The following IGLON5 variants were observed in gnomAD, a reference collection of about 807,000 sequenced individuals.
IGLON5 encodes the protein Ig-like domain-containing protein ENSP00000270642.
A neutral mutation model predicts 38.2 loss-of-function variants in IGLON5; 16 were observed. The observed-to-expected ratio is 0.42, with a 90% CI of 0.28 to 0.64. The LOEUF (loss-of-function observed/expected upper bound fraction) is 0.64, where lower values mean the gene tolerates loss of function less well. IGLON5 is among the 30% of genes least tolerant of loss of function. The pLI is 0.23. For missense variants in IGLON5, 366 were observed against 483.4 expected, an observed-to-expected ratio of 0.76 and a Z score of 2.28; for synonymous variants, 207 against 216.4, an observed-to-expected ratio of 0.96 and a Z score of 0.38.
intron 1 of IGLON5, among the ~76,000 whole-genome samples, chr19:51,321,753 C>T (rs557540781): frequency 3.7e-4 from 56 of 152,268 alleles, no homozygotes; most frequent in African/African-American, 1.3e-3. Context: ...GTTTGTATGT[C>T]CATGGACACC....
intron 1 of IGLON5, among the ~76,000 whole-genome samples, chr19:51,318,694 C>T (rs564364902): frequency 2.3e-4 from 35 of 151,932 alleles, no homozygotes; most frequent in African/African-American, 8.2e-4. Flanking sequence ...ATGATCATGC[C>T]ACTGCATTCC....
In IGLON5 at chr19:51,330,273, G is replaced by C. The variant is rs971196558; in HGVS notation, c.*1514G>C. ...GGGACAGGGGAGGGATGCTAGGGAG[G>C]GGGTGGGGGGCCCTGGGGGCCATGT... On this transcript the variant is annotated 3_prime_UTR_variant, in exon 8 of 8. Coordinates refer to ENST00000270642, the MANE Select transcript of IGLON5 (RefSeq NM_001101372.3). The C allele has an allele frequency of 6.6e-6, 1 of 152,278 alleles. No homozygotes were observed. Among genetic ancestry groups the C allele is most frequent in the East Asian group, 1.9e-4 (1 of 5,188 alleles). The allele number at this position is 152,278 out of a possible 1,614,324, so 9.4% of individuals were successfully genotyped here.
At chr19:51,312,007 C>G in intron 1 of IGLON5, 81 bp downstream of exon 1, 1 of 747,712 alleles carries the variant, frequency 1.3e-6, no homozygotes, top group Non-Finnish European at 1.8e-6. Flanking sequence ...GGGTGGGGGT[C>G]GAGGGCTGCA....
rs10566640 is a variant in IGLON5 at position 51,330,802 on chromosome 19, TTA to T, written c.*2049_*2050del. Among the ~76,000 whole-genome samples, 19,428 of 152,120 alleles carry T rather than the reference TTA, an allele frequency of 0.13. 1,912 individuals are homozygous for T. Among genetic ancestry groups the T allele is most frequent in the African/African-American group, 0.27 (11,043 of 41,446 alleles). ...AACCTTAGAGAAACTGAGTCCATGA[TTA>T]TATATCATTTGAGCAGCTGGATCAA... On this transcript the variant is annotated 3_prime_UTR_variant, in exon 8 of 8. Transcript: ENST00000270642.
rs578047093 is a variant in IGLON5 at position 51,320,557 on chromosome 19, C to T, written c.80-1507C>T. ...CAGAGAGATGACTGCGTGGGGGTGA[C>T]GGAGCCTGCCTGCTGTGCTGAAGTG... On this transcript the variant is annotated intron_variant, in intron 1 of 7. Transcript: ENST00000270642. Among the ~76,000 whole-genome samples, 6 of 152,348 alleles carry T rather than the reference C, an allele frequency of 3.9e-5. No individual in the cohort carries two copies. The South Asian group carries it at 6.2e-4, about 16-fold the overall frequency.
Position 51,329,619 on chromosome 19 carries a change from T to G in IGLON5, c.*860T>G, listed in dbSNP as rs1599829903. On this transcript the variant is annotated 3_prime_UTR_variant, in exon 8 of 8. Coordinates refer to ENST00000270642, the MANE Select transcript of IGLON5 (RefSeq NM_001101372.3). The surrounding 1 kb of genome is among the most constrained non-coding windows in gnomAD (Gnocchi z 4.3). The stretch of plus-strand genomic sequence containing the variant: ...AGGAGTCACCTGTCTGTTTCAGTGC[T>G]TTGCCCTACCCTTGCCACCACTCCC... The G allele has an allele frequency of 1.3e-5, 2 of 152,166 alleles. No homozygotes were observed. The highest frequency in any genetic ancestry group is 6.5e-5 in the Admixed American group (1 of 15,276). 9.4% of individuals were successfully genotyped at this position (152,166 alleles called of 1,614,324 possible). A position where few individuals can be genotyped will look rare whatever the true frequency, so the allele number is the denominator to read the frequency against.
intron 1 of IGLON5, among the ~76,000 whole-genome samples, chr19:51,320,795 G>C (rs1985035934): frequency 6.6e-6 from 1 of 152,192 alleles, no homozygotes; most frequent in African/African-American, 2.4e-5. Context: ...ACATATATGT[G>C]TTATCTACAT....
Position 51,320,454 on chromosome 19 carries a change from G to A in IGLON5, c.80-1610G>A, listed in dbSNP as rs555631385. Among the ~76,000 whole-genome samples, 20 of 152,282 alleles carry A rather than the reference G, an allele frequency of 1.3e-4. No homozygotes were observed. The South Asian group carries it at 2.1e-3, about 16-fold the overall frequency. ...ATCCAGCCGGCCTTCCTCCCTCTCCGCCTGGTGCCAGCTCCACCGCCTCCG... is the reference window on the plus strand; with the variant it reads ...ATCCAGCCGGCCTTCCTCCCTCTCCACCTGGTGCCAGCTCCACCGCCTCCG... On this transcript the variant is annotated intron_variant, in intron 1 of 7. Transcript: ENST00000270642.
At chr19:51,311,979 G>T in intron 1 of IGLON5, 53 bp downstream of exon 1, 1 of 1,027,556 alleles carries the variant, frequency 9.7e-7, no homozygotes, top group South Asian at 3.0e-5. Context: ...GGTCTTGGGT[G>T]GGTAATCGGG....
At chr19:51,313,688 T>TTTC (rs1568456758) in intron 1 of IGLON5, among the ~76,000 whole-genome samples, 1 of 81,960 alleles carries the variant, frequency 1.2e-5, no homozygotes. Context: ...TCTTTCTTTC[T>TTTC]TTCTTTCTTC....
rs1174255959 is a variant in IGLON5 at position 51,323,717 on chromosome 19, C to T, written c.214C>T (p.Leu72=). The T allele has an allele frequency of 3.1e-6, 5 of 1,613,848 alleles. No individual in the cohort carries two copies. The highest frequency in any genetic ancestry group is 4.5e-5 in the East Asian group (2 of 44,892). ...GGCCTGGCTGAACCGCTCCAACATC[C>T]TGTATGCCGGCAATGACCGCTGGAC... The part of the protein sequence containing the change: ...RVAWLNRSNI[L]YAGNDRWTSD... The change falls in exon 3 of 8, where the codon CTG becomes TTG. Residue 72 remains leucine (L), a synonymous_variant. Coordinates refer to ENST00000270642, the MANE Select transcript of IGLON5 (RefSeq NM_001101372.3).
At chr19:51,326,682 TGTGTGTCC>T in intron 4 of IGLON5, 74 bp from the exon 5 acceptor site, 1 of 849,542 alleles carries the variant, frequency 1.2e-6, no homozygotes, top group Admixed American at 3.5e-5. Flanking sequence ...GCCCCGCTGA[TGTGTGTCC>T]GTGTTGTGCC....
intron 1 of IGLON5, among the ~76,000 whole-genome samples, chr19:51,314,527 C>CT (rs1178054896): frequency 6.6e-6 from 1 of 152,140 alleles, no homozygotes; most frequent in African/African-American, 2.4e-5. Context: ...CGGGGCTAGA[C>CT]TGGGGCAGGA....
In IGLON5 at chr19:51,325,579, T is replaced by G; in HGVS notation, c.511+114T>G. On this transcript the variant is annotated intron_variant, in intron 4 of 7. Transcript: ENST00000270642. This position sits in a 1 kb window ranked among gnomAD's most constrained non-coding sequence, Gnocchi z 5.5. ...GCCCCCTTCTCCCTGGCCCCTTGGC[T>G]TCCCCTCCCACTCTGCTTCCAGTTA... 2.6e-6 allele frequency: 3 copies of G among 1,137,594 alleles called. No homozygotes were observed. The highest frequency in any genetic ancestry group is 2.4e-6 in the Non-Finnish European group (2 of 827,538). 70.5% of individuals were successfully genotyped at this position (1,137,594 alleles called of 1,614,324 possible).
chr19:51,327,161 T>C lies in IGLON5; in HGVS notation c.728T>C (p.Val243Ala). Residue 243 changes from valine to alanine, a missense_variant, in exon 6 of 8, where the codon GTT becomes GCT. Coordinates refer to ENST00000270642, the MANE Select transcript of IGLON5 (RefSeq NM_001101372.3). This position sits in a 1 kb window ranked among gnomAD's most constrained non-coding sequence, Gnocchi z 7.1. ...AALLRCEAMA[V>A]PPADFQWYKD... ...CTCCTGCGCTGCGAAGCCATGGCGG[T>C]TCCCCCCGCGGATTTCCAGTGGTAC... 2 of 1,612,402 alleles carry C rather than the reference T, an allele frequency of 1.2e-6. No individual in the cohort carries two copies. Among genetic ancestry groups the C allele is most frequent in the Non-Finnish European group, 1.7e-6 (2 of 1,179,652 alleles).
chr19:51,325,533 T>C lies in IGLON5; in HGVS notation c.511+68T>C. 3 of 1,463,636 alleles carry C rather than the reference T, an allele frequency of 2.0e-6. No individual in the cohort carries two copies. Among genetic ancestry groups the C allele is most frequent in the Non-Finnish European group, 2.7e-6 (3 of 1,097,586 alleles). 90.7% of individuals were successfully genotyped at this position (1,463,636 alleles called of 1,614,324 possible). Reference sequence around the variant, plus strand: ...GCAGTCTGGGCCCCTCCATTCCCCATATCCCTAGCTAGTTTCCCCAGCCCC... The same window carrying C: ...GCAGTCTGGGCCCCTCCATTCCCCACATCCCTAGCTAGTTTCCCCAGCCCC... On this transcript the variant is annotated intron_variant, in intron 4 of 7. Transcript: ENST00000270642. This position sits in a 1 kb window ranked among gnomAD's most constrained non-coding sequence, Gnocchi z 5.5.
rs1166841926 is a variant in IGLON5 at position 51,326,906 on chromosome 19, C to A, written c.646+8C>A. The A allele has an allele frequency of 1.9e-6, 3 of 1,569,750 alleles. No individual in the cohort carries two copies. The highest frequency in any genetic ancestry group is 2.7e-5 in the African/African-American group (2 of 73,944). Reference sequence around the variant, plus strand: ...TGCTGGTCACAGTCAACTGTGAGCCCCCCTGGCACTGGGCACGAAAGGGTG... The same window carrying A: ...TGCTGGTCACAGTCAACTGTGAGCCACCCTGGCACTGGGCACGAAAGGGTG... On this transcript the variant is annotated splice_region_variant and intron_variant, in intron 5 of 7. Coordinates refer to ENST00000270642, the MANE Select transcript of IGLON5 (RefSeq NM_001101372.3).
In IGLON5 at chr19:51,325,658, C is replaced by T. The variant is rs924179837; in HGVS notation, c.511+193C>T. On this transcript the variant is annotated intron_variant, in intron 4 of 7. Transcript: ENST00000270642. The surrounding 1 kb of genome is among the most constrained non-coding windows in gnomAD (Gnocchi z 5.5). ...CTAAGAGGCGTCACCACTGGCTTTC[C>T]ACCTGCCGTCCTAGGCCTGGGCCAC... Among the ~76,000 whole-genome samples the T allele has an allele frequency of 6.6e-6, 1 of 152,174 alleles. No homozygotes were observed. Among genetic ancestry groups the T allele is most frequent in the Admixed American group, 6.5e-5 (1 of 15,284 alleles).
rs1296008804 is a variant in IGLON5, at chr19:51,325,525, A to G, written c.511+60A>G. 2 of 1,503,464 alleles carry G rather than the reference A, an allele frequency of 1.3e-6. No homozygotes were observed. Among genetic ancestry groups the G allele is most frequent in the Admixed American group, 4.4e-5 (2 of 45,752 alleles). The allele number at this position is 1,503,464 out of a possible 1,614,324, so 93.1% of individuals were successfully genotyped here. Reference sequence around the variant, plus strand: ...CCCACTGCGCAGTCTGGGCCCCTCCATTCCCCATATCCCTAGCTAGTTTCC... The same window carrying G: ...CCCACTGCGCAGTCTGGGCCCCTCCGTTCCCCATATCCCTAGCTAGTTTCC... On this transcript the variant is annotated intron_variant, in intron 4 of 7. Transcript: ENST00000270642. This position sits in a 1 kb window ranked among gnomAD's most constrained non-coding sequence, Gnocchi z 5.5.
Sources: gnomAD v4.1 joint callset for allele counts (sites outside exome capture counted in the v4.1 genomes callset) on GRCh38, gnomAD v4.1.1 for gene constraint, Gnocchi (gnomAD v3.1) non-coding constraint, MANE v1.5 for transcripts, NCBI Gene and HGNC (gene_info 2026-07-23, HGNC 2026-07-21) for gene names.